Variants in KLHL12 observed in about 807,000 individuals in gnomAD.
KLHL12 encodes kelch like family member 12, also known as kelch-like protein 12.
KLHL12 carries 17 observed loss-of-function variants against 60.8 expected under a neutral mutation model. That is an observed-to-expected ratio of 0.28 (90% confidence interval 0.19 to 0.42). KLHL12 has a LOEUF of 0.42. Among genes scored for constraint, KLHL12 ranks in the 10% least tolerant of loss-of-function variants. The pLI is 1.00. For synonymous variants in KLHL12, 220 were observed against 250.9 expected, an observed-to-expected ratio of 0.88 and a Z score of 1.16; for missense variants, 468 against 722.3, an observed-to-expected ratio of 0.65 and a Z score of 4.04.
At chr1:202,919,618 G>T in intron 3 of KLHL12, 137 bp downstream of exon 3, 1 of 728,406 alleles carries the variant, frequency 1.4e-6, no homozygotes. Context: ...ATTGCTCAAT[G>T]AGACAAAAGC....
Position 202,925,020 on chromosome 1 carries a change from C to T in KLHL12, c.143G>A (p.Arg48Gln), listed in dbSNP as rs1187038241. The change falls in exon 2 of 12, where the codon CGG becomes CAG. Residue 48 changes from arginine (R) to glutamine (Q), a missense_variant. This residue lies in a region of KLHL12 where 61 missense variants were observed against 59.9 expected (regional missense o/e 1.02). Coordinates refer to ENST00000367261, the MANE Select transcript of KLHL12 (RefSeq NM_021633.4). ...ATCACTACAGGCAGCCAGCACAATC[C>T]GATGGGCAGGGAAGTCTTTCTGCTC... ...RVEQKDFPAH[R>Q]IVLAACSDYF... 1.2e-6 allele frequency: 2 copies of T among 1,614,030 alleles called. No individual in the cohort carries two copies. The highest frequency in any genetic ancestry group is 2.2e-5 in the East Asian group (1 of 44,896).
At chr1:202,910,780 A>C (rs895572782) in intron 5 of KLHL12, among the ~76,000 whole-genome samples, 4 of 152,324 alleles carry the variant, frequency 2.6e-5, no homozygotes, top group African/African-American at 4.8e-5. Context: ...TTTATTATCA[A>C]GTGTTTATAT....
chr1:202,925,232 G>A (rs1273439092), intron 1 of KLHL12, 25 bp from the exon 2 acceptor site: 2 of 1,596,498 alleles, frequency 1.3e-6, no homozygotes, highest in Admixed American at 3.5e-5. Flanking sequence ...AAAAAACAAT[G>A]AGCATATTCA....
chr1:202,909,112 A>G lies in KLHL12; in HGVS notation c.730T>C (p.Cys244Arg). Residue 244 changes from cysteine (C) to arginine (R), a missense_variant, in exon 6 of 12, where the codon TGT becomes CGT. Transcript: ENST00000367261. This position sits in a 1 kb window ranked among gnomAD's most constrained non-coding sequence, Gnocchi z 4.1. ...DVIDAEPFIR[C>R]SLQCRDLVDE... ...ACCAGATCCCTGCATTGTAAACTAC[A>G]GCGGATGAAAGGCTGAAATATAGCA... is the stretch of plus-strand genomic sequence containing the variant. The G allele has an allele frequency of 6.2e-7, 1 of 1,612,302 alleles. No homozygotes were observed. Among genetic ancestry groups the G allele is most frequent in the Non-Finnish European group, 8.5e-7 (1 of 1,178,482 alleles).
intron 2 of KLHL12, 112 bp downstream of exon 2, chr1:202,924,854 AAC>A: frequency 3.1e-6 from 4 of 1,293,152 alleles, no homozygotes; most frequent in Non-Finnish European, 4.2e-6. Context: ...AATCTGCCAA[AAC>A]ATCACACTGT....
Position 202,918,264 on chromosome 1 carries a change from G to A in KLHL12, c.474C>T (p.Ser158=). 6.2e-7 allele frequency: 1 copy of A among 1,614,094 alleles called. No homozygotes were observed. Among genetic ancestry groups the A allele is most frequent in the East Asian group, 2.2e-5 (1 of 44,872 alleles). The change falls in exon 4 of 12, where the codon AGC becomes AGT. Residue 158 remains serine, a synonymous_variant. Coordinates refer to ENST00000367261, the MANE Select transcript of KLHL12 (RefSeq NM_021633.4). Reference sequence around the variant, plus strand: ...GTACCACTTCAGGAAAATGCTTCTGGCTAAAAACCTCAGCTGCTTGCATCA... The same window carrying A: ...GTACCACTTCAGGAAAATGCTTCTGACTAAAAACCTCAGCTGCTTGCATCA... ...VDLMQAAEVF[S]QKHFPEVVQH...
chr1:202,906,792 G>T (rs567125273), intron 6 of KLHL12, among the ~76,000 whole-genome samples: 1 of 152,190 alleles, frequency 6.6e-6, no homozygotes, highest in South Asian at 2.1e-4. Context: ...CTCCAGAGTA[G>T]CTGGGATTAC....
chr1:202,926,117 A>AT (rs999672067), intron 1 of KLHL12, among the ~76,000 whole-genome samples: 1 of 151,344 alleles, frequency 6.6e-6, no homozygotes, highest in African/African-American at 2.4e-5. Context: ...AAAAAAAAAA[A>AT]AAAAAAGAAA....
chr1:202,911,222 A>G lies in KLHL12; in HGVS notation c.568-19T>C. The G allele has an allele frequency of 2.5e-6, 4 of 1,613,378 alleles. No individual in the cohort carries two copies. Among genetic ancestry groups the G allele is most frequent in the Non-Finnish European group, 3.4e-6 (4 of 1,179,668 alleles). ...AATCCACCTGTAAATGTATAATTAC[A>G]CACCGTGGATCCTACTTTTCCAATT... is the stretch of plus-strand genomic sequence containing the variant. On this transcript the variant is annotated intron_variant, in intron 4 of 11. Transcript: ENST00000367261.
chr1:202,908,156 T>G (rs1195262799), intron 6 of KLHL12, among the ~76,000 whole-genome samples: 1 of 152,216 alleles, frequency 6.6e-6, no homozygotes, highest in Non-Finnish European at 1.5e-5. Flanking sequence ...TATGGTGATA[T>G]CTGAGTATTT....
chr1:202,892,570 C>T lies in KLHL12; in HGVS notation c.1670G>A (p.Arg557His), dbSNP rs1157462026. The change falls in exon 12 of 12, where the codon CGC (arginine) becomes CAC (histidine). Residue 557 changes from arginine to histidine, a missense_variant. Arg to His is a conservative substitution (Grantham distance 29). Transcript: ENST00000367261. ...WEVVTSMGTQRCDAGVCVLRE... is the reference protein window; with the variant it reads ...WEVVTSMGTQHCDAGVCVLRE... ...GAGAACACAAACACCAGCATCACAG[C>T]GCTGGGTTCCCATGGATGTCACGAC... 4.3e-6 allele frequency: 7 copies of T among 1,614,086 alleles called. No individual in the cohort carries two copies. Among genetic ancestry groups the T allele is most frequent in the Non-Finnish European group, 4.2e-6 (5 of 1,180,032 alleles).
chr1:202,892,740 G>A, intron 11 of KLHL12, 81 bp from the exon 12 acceptor site: 1 of 1,476,836 alleles, frequency 6.8e-7, no homozygotes, highest in Non-Finnish European at 9.3e-7. Flanking sequence ...TATGCAGGAG[G>A]CTGAGGTAAG....
intron 6 of KLHL12, among the ~76,000 whole-genome samples, chr1:202,901,771 C>CT (rs1660014857): frequency 6.6e-6 from 1 of 152,180 alleles, no homozygotes; most frequent in Non-Finnish European, 1.5e-5. Flanking sequence ...GCCAACAGAG[C>CT]TTTTGATAAC....
chr1:202,892,645 G>A lies in KLHL12; in HGVS notation c.1595C>T (p.Ser532Phe), dbSNP rs763863176. Residue 532 changes from serine to phenylalanine, a missense_variant, in exon 12 of 12, where the codon TCC (serine) becomes TTC (phenylalanine). This residue lies in a region of KLHL12 where 68 missense variants were observed against 119.8 expected (regional missense o/e 0.57). Coordinates refer to ENST00000367261, the MANE Select transcript of KLHL12 (RefSeq NM_021633.4). The part of the protein sequence containing the change: ...LYAIAGYDGN[S>F]LLSSIECYDP... ...ATAACATTCAATGCTACTTAGCAGG[G>A]AATTACCATCATATCTGAGTGGGAA... The A allele has an allele frequency of 6.2e-7, 1 of 1,613,874 alleles. No homozygotes were observed. Among genetic ancestry groups the A allele is most frequent in the Non-Finnish European group, 8.5e-7 (1 of 1,179,884 alleles).
chr1:202,911,090 T>C lies in KLHL12; in HGVS notation c.681A>G (p.Leu227=). ...TTACATCTGTGATATACCTGGGGGT[T>C]AGTAGGGGCATCCGCACATACTGTA... ...NLLQYVRMPL[L]TPRYITDVID... The change falls in exon 5 of 12, where the codon CTA becomes CTG. Residue 227 remains leucine (L), a synonymous_variant. Coordinates refer to ENST00000367261, the MANE Select transcript of KLHL12 (RefSeq NM_021633.4). The C allele has an allele frequency of 1.9e-6, 3 of 1,614,162 alleles. No individual in the cohort carries two copies. The highest frequency in any genetic ancestry group is 2.5e-6 in the Non-Finnish European group (3 of 1,180,000).
chr1:202,924,891 T>G, intron 2 of KLHL12, 77 bp downstream of exon 2: 1 of 1,510,342 alleles, frequency 6.6e-7, no homozygotes, highest in South Asian at 1.3e-5. Flanking sequence ...ATATCAAACT[T>G]CCACTATTTT....
intron 6 of KLHL12, among the ~76,000 whole-genome samples, chr1:202,899,822 CAA>C (rs10612618): frequency 0.8 from 115,140 of 143,146 alleles, 46,391 homozygotes; most frequent in Non-Finnish European, 0.85. Flanking sequence ...GACTCCATCT[CAA>C]AAAAAAAAAA....
chr1:202,892,345 AC>A lies in KLHL12; in HGVS notation c.*187del. 4 of 575,080 alleles carry A rather than the reference AC, an allele frequency of 7.0e-6. No homozygotes were observed. The South Asian group carries it at 1.0e-4, about 15-fold the overall frequency. 35.6% of individuals were successfully genotyped at this position (575,080 alleles called of 1,614,324 possible). On this transcript the variant is annotated 3_prime_UTR_variant, in exon 12 of 12. Transcript: ENST00000367261. Reference sequence around the variant, plus strand: ...CTTTTTCCTGGAATATCTGTTACCCACCCTTCTCAGGAACAAGAACCAGGAC... The same window carrying A: ...CTTTTTCCTGGAATATCTGTTACCCACCTTCTCAGGAACAAGAACCAGGAC...
chr1:202,915,567 A>C (rs969256100), intron 4 of KLHL12, among the ~76,000 whole-genome samples: 13 of 152,222 alleles, frequency 8.5e-5, no homozygotes, highest in Admixed American at 2.0e-4. Context: ...ATCCAGTTTT[A>C]TTCCAAAGCC....
Sources: gnomAD v4.1 joint callset for allele counts (sites outside exome capture counted in the v4.1 genomes callset) on GRCh38, gnomAD v4.1.1 for gene constraint, gnomAD v4.1.1 regional missense constraint, Gnocchi (gnomAD v3.1) non-coding constraint, MANE v1.5 for transcripts, NCBI Gene and HGNC (gene_info 2026-07-23, HGNC 2026-07-21) for gene names.